Variants in GRID2 observed in about 807,000 individuals in gnomAD.
GRID2 encodes glutamate receptor ionotropic, delta-2.
In GRID2, 33 loss-of-function variants were observed where a neutral mutation model predicts 114.8. The ratio of observed to expected loss-of-function variants is 0.29; its 90% CI spans 0.22 to 0.38. The LOEUF (loss-of-function observed/expected upper bound fraction) is 0.38, where lower values mean the gene tolerates loss of function less well. Among genes scored for constraint, GRID2 ranks in the 10% least tolerant of loss-of-function variants. GRID2 has a pLI of 1.00. For missense variants in GRID2, 1,184 were observed against 1,257.7 expected (o/e 0.94, Z 0.89); for synonymous variants, 505 against 449.9 (o/e 1.12, Z -1.55).
chr4:93,655,554 T>C (rs72672417), intron 14 of GRID2, among the ~76,000 whole-genome samples: 3,029 of 152,262 alleles, frequency 0.02, 36 homozygotes, highest in South Asian at 0.022. Context: ...AGCCGAAAGA[T>C]AGGTCATCTA....
chr4:93,544,759 A>C (rs1733034658), intron 13 of GRID2, among the ~76,000 whole-genome samples: 1 of 150,852 alleles, frequency 6.6e-6, no homozygotes, highest in African/African-American at 2.4e-5. Context: ...CCTGGGCAAC[A>C]AGAGCAAAAC....
chr4:93,604,048 CTTA>C (rs941849151), intron 13 of GRID2, among the ~76,000 whole-genome samples: 15 of 152,170 alleles, frequency 9.9e-5, no homozygotes, highest in Admixed American at 6.5e-4. Context: ...ACTTTTAAAT[CTTA>C]TTATTTGAGA....
rs558446993 is a variant in GRID2 at position 92,984,409 on chromosome 4, A to G, written c.245-100586A>G. ...TTGCAGAAAGATATTTTACCTGTCT[A>G]CATACAATTTTTCTGTGATATAGCT... On this transcript the variant is annotated intron_variant, in intron 2 of 15. Coordinates refer to ENST00000282020, the MANE Select transcript of GRID2 (RefSeq NM_001510.4). Among the ~76,000 whole-genome samples, 7 of 152,358 alleles carry G rather than the reference A, an allele frequency of 4.6e-5. No individual in the cohort carries two copies. In the East Asian group the frequency reaches 1.4e-3, roughly 29 times the overall value.
intron 2 of GRID2, among the ~76,000 whole-genome samples, chr4:92,924,533 A>C (rs1180840758): frequency 6.6e-6 from 1 of 152,160 alleles, no homozygotes; most frequent in Admixed American, 6.6e-5. Flanking sequence ...CTTTTTAGAT[A>C]GTTTTAAAAA....
chr4:93,255,998 T>C (rs1428852523), intron 8 of GRID2, among the ~76,000 whole-genome samples: 1 of 152,112 alleles, frequency 6.6e-6, no homozygotes, highest in African/African-American at 2.4e-5. Context: ...TAAAAATTGC[T>C]CACATTTTTC....
intron 1 of GRID2, among the ~76,000 whole-genome samples, chr4:93,788,615 G>T (rs1458854032): frequency 1.3e-5 from 2 of 152,014 alleles, no homozygotes; most frequent in Non-Finnish European, 2.9e-5. Flanking sequence ...AAAATCTCAG[G>T]TTAACAAGAT....
In GRID2 at chr4:93,455,676, G is replaced by A. The variant is rs1043445307; in HGVS notation, c.1560G>A (p.Gly520=). 2 of 1,609,920 alleles carry A rather than the reference G, an allele frequency of 1.2e-6. No homozygotes were observed. The highest frequency in any genetic ancestry group is 3.3e-5 in the Admixed American group (2 of 59,988). Residue 520 remains glycine, a synonymous_variant, in exon 11 of 16, where the codon GGG becomes GGA. Transcript: ENST00000282020. ...GELVFKRADI[G]ISALTITPDR... ...CAATTTCTCAGAGAGCCGACATAGG[G>A]ATTTCTGCTTTAACCATCACTCCAG... is the stretch of plus-strand genomic sequence containing the variant.
intron 2 of GRID2, among the ~76,000 whole-genome samples, chr4:93,031,033 T>A (rs1161212124): frequency 4.4e-5 from 1 of 22,804 alleles, no homozygotes; most frequent in African/African-American, 4.8e-4. Context: ...CCAATCTCCA[T>A]TTTTTTTTTT....
At chr4:92,720,739 A>G (rs777643984) in intron 2 of GRID2, among the ~76,000 whole-genome samples, 22 of 152,062 alleles carry the variant, frequency 1.4e-4, no homozygotes, top group Non-Finnish European at 2.9e-4. Flanking sequence ...TACTTTTTTC[A>G]GAACCATCTT....
chr4:93,172,181 T>G lies in GRID2; in HGVS notation c.736-35223T>G, dbSNP rs146531065. On this transcript the variant is annotated intron_variant, in intron 4 of 15. Transcript: ENST00000282020. ...CTTCTGAAGTCTACATTACCAGTGA[T>G]GTGTTCTTAAGTTTTGTGGTAGTCA... Among the ~76,000 whole-genome samples, 635 of 152,294 alleles carry G rather than the reference T, an allele frequency of 4.2e-3. 8 individuals are homozygous for G. Among genetic ancestry groups the G allele is most frequent in the African/African-American group, 0.015 (612 of 41,554 alleles).
At chr4:92,522,212 G>A (rs1241267599) in intron 1 of GRID2, among the ~76,000 whole-genome samples, 3 of 151,842 alleles carry the variant, frequency 2.0e-5, no homozygotes, top group African/African-American at 7.2e-5. Context: ...TCCAGACACA[G>A]GAAAGAGATA....
chr4:92,495,805 C>G (rs1161996764), intron 1 of GRID2, among the ~76,000 whole-genome samples: 8 of 151,790 alleles, frequency 5.3e-5, no homozygotes, highest in Admixed American at 5.3e-4. Flanking sequence ...CTGAGAACCT[C>G]CTGATAGGTG....
intron 1 of GRID2, among the ~76,000 whole-genome samples, chr4:92,547,968 A>T (rs1447368817): frequency 1.3e-5 from 2 of 152,212 alleles, no homozygotes; most frequent in African/African-American, 2.4e-5. Flanking sequence ...AACAGAAAAA[A>T]TAATTAAGTA....
intron 2 of GRID2, among the ~76,000 whole-genome samples, chr4:92,964,538 TTAAAG>T (rs769532631): frequency 1.3e-5 from 2 of 151,966 alleles, no homozygotes; most frequent in Non-Finnish European, 2.9e-5. Context: ...ATCCCAGAAC[TTAAAG>T]TAAATTAAAA....
chr4:92,710,408 C>G (rs1282742170), intron 2 of GRID2, among the ~76,000 whole-genome samples: 4 of 152,124 alleles, frequency 2.6e-5, no homozygotes, highest in African/African-American at 9.7e-5. Context: ...CATTTAGCAG[C>G]TTGAGTTATA....
chr4:93,267,151 A>T (rs1181565898), intron 8 of GRID2, among the ~76,000 whole-genome samples: 3 of 148,408 alleles, frequency 2.0e-5, no homozygotes, highest in Non-Finnish European at 4.5e-5. Context: ...GTTCCATTGA[A>T]TAGTACACAC....
intron 13 of GRID2, among the ~76,000 whole-genome samples, chr4:93,519,389 A>T (rs985659674): frequency 6.6e-6 from 1 of 152,172 alleles, no homozygotes; most frequent in Non-Finnish European, 1.5e-5. Flanking sequence ...ACATCTTAAA[A>T]GACTATGACT....
At chr4:92,786,233 G>C (rs1739315619) in intron 2 of GRID2, among the ~76,000 whole-genome samples, 1 of 151,620 alleles carries the variant, frequency 6.6e-6, no homozygotes, top group Non-Finnish European at 1.5e-5. Flanking sequence ...CAGTTATTAA[G>C]GAAATGTTGG....
intron 1 of GRID2, among the ~76,000 whole-genome samples, chr4:92,417,783 C>A (rs932959084): frequency 4.6e-5 from 7 of 152,126 alleles, no homozygotes; most frequent in Non-Finnish European, 8.8e-5. Context: ...TCCCACATGT[C>A]ATGGGACGGA....
Sources: gnomAD v4.1 joint callset for allele counts (sites outside exome capture counted in the v4.1 genomes callset) on GRCh38, gnomAD v4.1.1 for gene constraint, MANE v1.5 for transcripts, NCBI Gene and HGNC (gene_info 2026-07-23, HGNC 2026-07-21) for gene names.